The following CADM2 variants were observed in gnomAD, a reference collection of about 807,000 sequenced individuals.
CADM2 encodes the protein immunoglobulin superfamily member 4D.
Under a neutral mutation model 49.8 loss-of-function variants are expected in CADM2, and 12 were observed. The ratio of observed to expected loss-of-function variants is 0.24; its 90% confidence interval spans 0.15 to 0.39. The LOEUF is 0.39. Among genes scored for constraint, CADM2 ranks in the 10% least tolerant of loss-of-function variants. CADM2 has a pLI of 1.00. For missense variants in CADM2, 378 were observed against 492.3 expected (o/e 0.77, Z 2.20); for synonymous variants, 214 against 175.4 (o/e 1.22, Z -1.74).
chr3:85,691,329 C>A (rs1577093678), intron 1 of CADM2, among the ~76,000 whole-genome samples: 1 of 152,154 alleles, frequency 6.6e-6, no homozygotes, highest in African/African-American at 2.4e-5. Context: ...TTTTCTTTAT[C>A]CATACATTTG....
chr3:85,168,119 G>T (rs376280792), intron 1 of CADM2, among the ~76,000 whole-genome samples: 1 of 151,990 alleles, frequency 6.6e-6, no homozygotes, highest in East Asian at 1.9e-4. Context: ...GCAGTGGCTC[G>T]ATCTGGGCTC....
chr3:85,015,772 C>T (rs548849029), intron 1 of CADM2, among the ~76,000 whole-genome samples: 1 of 152,226 alleles, frequency 6.6e-6, no homozygotes, highest in South Asian at 2.1e-4. Context: ...TGAATGAAGG[C>T]TCCTTTGGGC....
intron 1 of CADM2, among the ~76,000 whole-genome samples, chr3:85,634,253 G>T (rs1044043620): frequency 2.6e-5 from 4 of 151,936 alleles, no homozygotes; most frequent in South Asian, 2.1e-4. Flanking sequence ...CTTATAAAGA[G>T]AATATTTTAC....
chr3:85,240,102 A>G (rs778297480), intron 1 of CADM2, among the ~76,000 whole-genome samples: 6 of 151,424 alleles, frequency 4.0e-5, no homozygotes, highest in Non-Finnish European at 8.9e-5. Flanking sequence ...AAAATGTGCT[A>G]TTTACTTTGT....
chr3:85,915,258 C>A (rs1417707651), intron 6 of CADM2, among the ~76,000 whole-genome samples: 1 of 152,076 alleles, frequency 6.6e-6, no homozygotes, highest in Non-Finnish European at 1.5e-5. Context: ...GAAAGTTTTA[C>A]ATTAAAAATG....
chr3:85,912,003 G>A (rs1717664603), intron 5 of CADM2, among the ~76,000 whole-genome samples: 1 of 150,510 alleles, frequency 6.6e-6, no homozygotes, highest in South Asian at 2.1e-4. Context: ...GTGCAGTGGC[G>A]CCATCTCTGC....
intron 1 of CADM2, among the ~76,000 whole-genome samples, chr3:85,232,512 C>A (rs550095499): frequency 2.6e-5 from 4 of 151,940 alleles, no homozygotes; most frequent in Non-Finnish European, 5.9e-5. Context: ...TTTCAGAGCA[C>A]CTATATCACA....
At chr3:86,061,682 T>TA (rs142918783) in intron 8 of CADM2, among the ~76,000 whole-genome samples, 5,754 of 152,230 alleles carry the variant, frequency 0.038, 344 homozygotes, top group African/African-American at 0.13. Context: ...AAGACTAATC[T>TA]ATCTGAAAAT....
At chr3:85,931,429 T>G (rs138189025) in intron 6 of CADM2, among the ~76,000 whole-genome samples, 1 of 152,000 alleles carries the variant, frequency 6.6e-6, no homozygotes, top group Non-Finnish European at 1.5e-5. Flanking sequence ...GGGGACAGAG[T>G]GAGACCTTGT....
intron 1 of CADM2, among the ~76,000 whole-genome samples, chr3:85,717,053 G>T (rs144066098): frequency 4.6e-5 from 7 of 152,240 alleles, no homozygotes; most frequent in Non-Finnish European, 8.8e-5. Flanking sequence ...GTAGCTTGAT[G>T]GGAATAGAAT....
At chr3:85,103,803 G>C (rs538994261) in intron 1 of CADM2, among the ~76,000 whole-genome samples, 2 of 152,156 alleles carry the variant, frequency 1.3e-5, no homozygotes, top group African/African-American at 4.8e-5. Flanking sequence ...AATTAGATTG[G>C]TGGAAATTCA....
At chr3:85,303,034 G>A (rs1259723002) in intron 1 of CADM2, among the ~76,000 whole-genome samples, 1 of 151,872 alleles carries the variant, frequency 6.6e-6, no homozygotes, top group Non-Finnish European at 1.5e-5. Flanking sequence ...ACTATACACA[G>A]TTCATGTAAT....
At chr3:85,358,564 C>T (rs2032066591) in intron 1 of CADM2, among the ~76,000 whole-genome samples, 1 of 152,090 alleles carries the variant, frequency 6.6e-6, no homozygotes, top group Admixed American at 6.6e-5. Flanking sequence ...TTTAATGTGC[C>T]TAATGATTTC....
At chr3:85,929,762 GTT>G (rs1370677023) in intron 6 of CADM2, among the ~76,000 whole-genome samples, 2 of 151,858 alleles carry the variant, frequency 1.3e-5, no homozygotes, top group African/African-American at 4.8e-5. Context: ...CTGTTCTTTG[GTT>G]AGCTAACAAA....
intron 1 of CADM2, among the ~76,000 whole-genome samples, chr3:85,019,459 G>T (rs532223272): frequency 9.2e-5 from 14 of 152,144 alleles, no homozygotes; most frequent in Non-Finnish European, 1.8e-4. Flanking sequence ...CTCTCACCTG[G>T]TTGACAGAGT....
chr3:85,232,630 C>T (rs1334320355), intron 1 of CADM2, among the ~76,000 whole-genome samples: 1 of 151,892 alleles, frequency 6.6e-6, no homozygotes, highest in African/African-American at 2.4e-5. Flanking sequence ...AGATATCTCA[C>T]CAAAAAAGCT....
chr3:85,783,392 G>T (rs1265147787), intron 2 of CADM2, among the ~76,000 whole-genome samples: 1 of 152,092 alleles, frequency 6.6e-6, no homozygotes, highest in Non-Finnish European at 1.5e-5. Context: ...TTCTTATTTG[G>T]CATATGTCCA....
At chr3:85,097,461 T>C (rs916834336) in intron 1 of CADM2, among the ~76,000 whole-genome samples, 3 of 152,164 alleles carry the variant, frequency 2.0e-5, no homozygotes, top group Admixed American at 6.6e-5. Flanking sequence ...AATAAACATA[T>C]GTGGGCATGT....
intron 3 of CADM2, among the ~76,000 whole-genome samples, chr3:85,878,666 C>T (rs553059510): frequency 6.6e-6 from 1 of 152,042 alleles, no homozygotes. Flanking sequence ...GTGTCTGGAG[C>T]CAAGTCTTTT....
Sources: allele counts gnomAD v4.1 joint callset (sites outside exome capture counted in the v4.1 genomes callset), GRCh38; gene constraint gnomAD v4.1.1; transcripts MANE v1.5; gene names NCBI Gene and HGNC (gene_info 2026-07-23, HGNC 2026-07-21).